Variants in ZMPSTE24 observed in about 807,000 individuals in gnomAD.
The protein encoded by ZMPSTE24 is zinc metallopeptidase STE24, also known as CAAX prenyl protease 1 homolog.
A neutral mutation model predicts 56.7 loss-of-function variants in ZMPSTE24; 48 were observed. The ratio of observed to expected loss-of-function variants is 0.85; its 90% CI spans 0.67 to 1.08. ZMPSTE24 has a LOEUF of 1.08. ZMPSTE24 is among the 50% of genes least tolerant of loss of function. The pLI is 0.00. For synonymous variants in ZMPSTE24, 172 were observed against 195.2 expected (o/e 0.88, Z 0.99); for missense variants, 503 against 548.7 (o/e 0.92, Z 0.83).
intron 6 of ZMPSTE24, 28 bp downstream of exon 6, chr1:40,272,063 T>C: frequency 6.4e-7 from 1 of 1,573,928 alleles, no homozygotes; most frequent in Non-Finnish European, 8.6e-7. Flanking sequence ...TAAGAAAGTT[T>C]TATCCAAGTG....
At chr1:40,265,054 GA>G (rs888166969) in intron 2 of ZMPSTE24, among the ~76,000 whole-genome samples, 1 of 152,006 alleles carries the variant, frequency 6.6e-6, no homozygotes. Flanking sequence ...GTCCCCAAAA[GA>G]AACTAAACAT....
intron 7 of ZMPSTE24, among the ~76,000 whole-genome samples, chr1:40,282,474 G>T (rs1643740438): frequency 6.6e-6 from 1 of 151,968 alleles, no homozygotes; most frequent in Admixed American, 6.5e-5. Flanking sequence ...CACTGTCTGT[G>T]TAACTCTGTG....
chr1:40,273,074 C>G (rs1006860236), intron 6 of ZMPSTE24, among the ~76,000 whole-genome samples: 3 of 152,172 alleles, frequency 2.0e-5, no homozygotes, highest in African/African-American at 7.2e-5. Context: ...CTACAGTTTG[C>G]TGATCCCTGC....
At chr1:40,286,609 C>G in intron 8 of ZMPSTE24, among the ~76,000 whole-genome samples, 1 of 151,674 alleles carries the variant, frequency 6.6e-6, no homozygotes, top group East Asian at 1.9e-4. Flanking sequence ...TTAGTAGACA[C>G]AGGGTATCAC....
At chr1:40,281,302 T>G in intron 6 of ZMPSTE24, 41 bp from the exon 7 acceptor site, 1 of 1,608,938 alleles carries the variant, frequency 6.2e-7, no homozygotes, top group Non-Finnish European at 8.5e-7. Flanking sequence ...GACCCCAAAC[T>G]TTTTAATTAT....
chr1:40,278,557 C>CAAAAA (rs397979953), intron 6 of ZMPSTE24, among the ~76,000 whole-genome samples: 120 of 19,536 alleles, frequency 6.1e-3, no homozygotes, highest in Non-Finnish European at 6.9e-3. Context: ...GACTCCGTCT[C>CAAAAA]AAAAAAAAAA....
rs116238028 is a variant in ZMPSTE24 at position 40,281,438 on chromosome 1, G to A, written c.865G>A (p.Val289Ile). ...TGACACTCTACTAGAAGAGTACTCT[G>A]TACTAAACAAAGACATCCAGGAGGA... ...LFDTLLEEYSVLNKDIQEDSG... is the reference protein window; with the variant it reads ...LFDTLLEEYSILNKDIQEDSG... Residue 289 changes from valine (V) to isoleucine (I), a missense_variant, in exon 7 of 10, where the codon GTA becomes ATA. By Grantham distance (29) the Val-to-Ile change is conservative. Transcript: ENST00000372759. The A allele has an allele frequency of 6.2e-7, 1 of 1,614,066 alleles. No individual in the cohort carries two copies. The highest frequency in any genetic ancestry group is 1.3e-5 in the African/African-American group (1 of 75,024).
chr1:40,277,470 T>A (rs1643682182), intron 6 of ZMPSTE24, among the ~76,000 whole-genome samples: 1 of 152,146 alleles, frequency 6.6e-6, no homozygotes, highest in African/African-American at 2.4e-5. Context: ...CCAGAGATTC[T>A]GACTTAGTAG....
intron 6 of ZMPSTE24, among the ~76,000 whole-genome samples, chr1:40,277,216 G>T (rs1444627165): frequency 1.3e-5 from 2 of 151,648 alleles, no homozygotes; most frequent in African/African-American, 2.4e-5. Flanking sequence ...CTCCTGAGTA[G>T]CTGGGACTAC....
At chr1:40,281,706 A>C (rs142049597) in intron 7 of ZMPSTE24, among the ~76,000 whole-genome samples, 179 bp downstream of exon 7, 32 of 152,260 alleles carry the variant, frequency 2.1e-4, no homozygotes, top group African/African-American at 7.2e-4. Flanking sequence ...ATTACATGCT[A>C]ACTACCTTGC....
intron 6 of ZMPSTE24, among the ~76,000 whole-genome samples, chr1:40,273,537 A>AAAAAAAAAAAAAAATATAT (rs1224234676): frequency 8.1e-5 from 1 of 12,388 alleles, no homozygotes; most frequent in African/African-American, 1.8e-4. Context: ...AAAAAAAAAA[A>AAAAAAAAAAAAAAATATAT]ATATATATAT....
In ZMPSTE24 at chr1:40,268,481, A is replaced by T. The variant is rs780391540; in HGVS notation, c.420A>T (p.Pro140=). The T allele has an allele frequency of 6.2e-7, 1 of 1,613,186 alleles. No homozygotes were observed. The highest frequency in any genetic ancestry group is 1.7e-5 in the Admixed American group (1 of 60,018). ...TTTTCAGTGCATTGACTGGTTTGCC[A>T]TGGAGTCTTTATAATACTTTTGTGA... ...ATLFSALTGL[P]WSLYNTFVIE... Residue 140 remains proline (P), a synonymous_variant, in exon 4 of 10, where the codon CCA becomes CCT. Transcript: ENST00000372759.
intron 8 of ZMPSTE24, among the ~76,000 whole-genome samples, chr1:40,288,586 A>C (rs1192549507): frequency 6.6e-6 from 1 of 152,204 alleles, no homozygotes; most frequent in African/African-American, 2.4e-5. Flanking sequence ...CACTCTATTC[A>C]TAAGTCCCTT....
At chr1:40,261,022 G>A (rs868299022) in intron 2 of ZMPSTE24, 37 bp downstream of exon 2, 1 of 1,612,854 alleles carries the variant, frequency 6.2e-7, no homozygotes, top group Non-Finnish European at 8.5e-7. Context: ...AGTCTGTCTG[G>A]TTGTTTTCAT....
intron 2 of ZMPSTE24, among the ~76,000 whole-genome samples, chr1:40,267,306 TA>T: frequency 6.6e-6 from 1 of 151,778 alleles, no homozygotes; most frequent in East Asian, 1.9e-4. Flanking sequence ...GAAATAGGTC[TA>T]TTTTTTAAAA....
intron 6 of ZMPSTE24, among the ~76,000 whole-genome samples, chr1:40,274,209 G>A (rs1047340031): frequency 2.6e-5 from 4 of 152,138 alleles, no homozygotes; most frequent in Non-Finnish European, 2.9e-5. Context: ...GTGACTTTGC[G>A]CAACTTAGCT....
chr1:40,292,663 A>G lies in ZMPSTE24; in HGVS notation c.1422A>G (p.Gln474=), dbSNP rs753737462. 2.5e-6 allele frequency: 4 copies of G among 1,613,108 alleles called. No individual in the cohort carries two copies. Among genetic ancestry groups the G allele is most frequent in the East Asian group, 2.2e-5 (1 of 44,856 alleles). ...TTCAAGCTTTGAAAACTATGAAGCA[A>G]CACTGAGATGTCCAGGATCTGTGAC... is the stretch of plus-strand genomic sequence containing the variant. ...ERLQALKTMK[Q]H Residue 474 remains glutamine, a synonymous_variant, in exon 10 of 10, where the codon CAA becomes CAG. Coordinates refer to ENST00000372759, the MANE Select transcript of ZMPSTE24 (RefSeq NM_005857.5).
chr1:40,271,113 C>T (rs1643610551), intron 5 of ZMPSTE24, among the ~76,000 whole-genome samples: 2 of 152,166 alleles, frequency 1.3e-5, no homozygotes, highest in Admixed American at 1.3e-4. Context: ...AGTACAGTGG[C>T]TATTTCACAG....
intron 8 of ZMPSTE24, among the ~76,000 whole-genome samples, chr1:40,286,409 T>C (rs1643787018): frequency 6.6e-6 from 1 of 152,160 alleles, no homozygotes; most frequent in African/African-American, 2.4e-5. Context: ...TTAAAATGCT[T>C]TTTAAAATTA....
Sources: allele counts gnomAD v4.1 joint callset (sites outside exome capture counted in the v4.1 genomes callset), GRCh38; gene constraint gnomAD v4.1.1; transcripts MANE v1.5; gene names NCBI Gene and HGNC (gene_info 2026-07-23, HGNC 2026-07-21).